The following CCDC91 variants were observed in gnomAD, a reference collection of about 807,000 sequenced individuals.
The protein encoded by CCDC91 is coiled-coil domain containing 91.
Under a neutral mutation model 63.2 loss-of-function variants are expected in CCDC91, and 48 were observed. That is an observed-to-expected ratio of 0.76 (90% CI 0.60 to 0.97). The LOEUF (loss-of-function observed/expected upper bound fraction) is 0.97, where lower values mean the gene tolerates loss of function less well. CCDC91 is among the 50% of genes least tolerant of loss of function. The pLI, the probability that CCDC91 is intolerant of heterozygous loss-of-function variation, is 0.00. For synonymous variants in CCDC91, 167 were observed against 165.8 expected (o/e 1.01, Z -0.06); for missense variants, 500 against 494.6 (o/e 1.01, Z -0.10).
chr12:28,447,158 A>G (rs1949542730), intron 8 of CCDC91, among the ~76,000 whole-genome samples: 1 of 152,170 alleles, frequency 6.6e-6, no homozygotes, highest in South Asian at 2.1e-4. Flanking sequence ...TTTCACAAAG[A>G]TGCATGCATA....
At chr12:28,276,129 G>A in intron 3 of CCDC91, among the ~76,000 whole-genome samples, 1 of 152,008 alleles carries the variant, frequency 6.6e-6, no homozygotes, top group South Asian at 2.1e-4. Flanking sequence ...ACCTATGTAA[G>A]TAATTTATGA....
intron 8 of CCDC91, among the ~76,000 whole-genome samples, chr12:28,419,038 C>G (rs1947847478): frequency 6.6e-6 from 1 of 152,058 alleles, no homozygotes; most frequent in South Asian, 2.1e-4. Context: ...CATTCATTCA[C>G]TCTTTTTTTG....
At chr12:28,325,615 G>C (rs996816413) in intron 6 of CCDC91, among the ~76,000 whole-genome samples, 1 of 151,912 alleles carries the variant, frequency 6.6e-6, no homozygotes, top group African/African-American at 2.4e-5. Context: ...AAGTGATCAG[G>C]ATTTCATTTA....
Position 28,383,538 on chromosome 12 carries a change from G to A in CCDC91, c.655-7766G>A, listed in dbSNP as rs150215365. Among the ~76,000 whole-genome samples the A allele has an allele frequency of 2.2e-3, 341 of 152,176 alleles. 3 individuals carry two copies. The highest frequency in any genetic ancestry group is 3.2e-3 in the Non-Finnish European group (215 of 67,994). On this transcript the variant is annotated intron_variant, in intron 7 of 12. Transcript: ENST00000536442. ...ACTGTAATTTACTCTTGAGAAACAT[G>A]TACCTTCATTCTTCCCAAAGGTTGA...
intron 12 of CCDC91, among the ~76,000 whole-genome samples, chr12:28,532,515 T>C (rs1260751418): frequency 1.3e-5 from 2 of 152,012 alleles, no homozygotes; most frequent in Admixed American, 6.6e-5. Flanking sequence ...ATTACAAGGA[T>C]AAAATGGGAG....
At chr12:28,465,763 C>G (rs1950518872) in intron 11 of CCDC91, among the ~76,000 whole-genome samples, 3 of 152,286 alleles carry the variant, frequency 2.0e-5, no homozygotes, top group African/African-American at 7.2e-5. Context: ...TGCCTAGACA[C>G]AGACAAACAT....
At chr12:28,423,605 G>T (rs536887767) in intron 8 of CCDC91, among the ~76,000 whole-genome samples, 2 of 151,994 alleles carry the variant, frequency 1.3e-5, no homozygotes, top group African/African-American at 4.8e-5. Flanking sequence ...ATTTTAAAAC[G>T]CTGGAATAGT....
intron 3 of CCDC91, among the ~76,000 whole-genome samples, chr12:28,277,644 A>T (rs1592181025): frequency 6.6e-6 from 1 of 151,848 alleles, no homozygotes; most frequent in Admixed American, 6.6e-5. Context: ...CCTGTAGTCA[A>T]TTTTTTTCTA....
intron 6 of CCDC91, among the ~76,000 whole-genome samples, chr12:28,359,947 G>A (rs2138496526): frequency 6.6e-6 from 1 of 152,264 alleles, no homozygotes; most frequent in South Asian, 2.1e-4. Flanking sequence ...TTTTAGTGAT[G>A]TCCTCATTTG....
At chr12:28,234,575 T>C (rs1320250148) in intron 1 of CCDC91, among the ~76,000 whole-genome samples, 1 of 152,184 alleles carries the variant, frequency 6.6e-6, no homozygotes, top group African/African-American at 2.4e-5. Flanking sequence ...TTCTTGATAG[T>C]ATACAGTTCA....
At chr12:28,337,802 T>C (rs1942101692) in intron 6 of CCDC91, among the ~76,000 whole-genome samples, 1 of 152,164 alleles carries the variant, frequency 6.6e-6, no homozygotes, top group Non-Finnish European at 1.5e-5. Context: ...TTTGTTTTTC[T>C]TAACTCTCTA....
intron 6 of CCDC91, among the ~76,000 whole-genome samples, chr12:28,355,344 C>T (rs1943454236): frequency 6.6e-6 from 1 of 152,138 alleles, no homozygotes; most frequent in Non-Finnish European, 1.5e-5. Context: ...AGGATCTCAG[C>T]TGGGGTTTTG....
At chr12:28,472,962 T>C (rs545796091) in intron 11 of CCDC91, among the ~76,000 whole-genome samples, 8 of 152,300 alleles carry the variant, frequency 5.3e-5, no homozygotes, top group Admixed American at 4.6e-4. Context: ...TTTTAAGCTG[T>C]TGTTGCACAG....
intron 8 of CCDC91, among the ~76,000 whole-genome samples, chr12:28,399,890 C>T (rs1398420832): frequency 6.6e-6 from 1 of 152,210 alleles, no homozygotes; most frequent in African/African-American, 2.4e-5. Context: ...AGGCCTCCTC[C>T]TGGCTGCTTT....
At chr12:28,399,274 G>A (rs370482963) in intron 8 of CCDC91, among the ~76,000 whole-genome samples, 53 of 152,130 alleles carry the variant, frequency 3.5e-4, no homozygotes, top group African/African-American at 1.3e-3. Flanking sequence ...GAAATACCGA[G>A]CAAAGGGGGA....
At chr12:28,298,732 A>C (rs971053586) in intron 3 of CCDC91, among the ~76,000 whole-genome samples, 4 of 137,596 alleles carry the variant, frequency 2.9e-5, no homozygotes, top group African/African-American at 9.9e-5. Flanking sequence ...TTTTGTAAAA[A>C]AAAAACAACA....
intron 1 of CCDC91, among the ~76,000 whole-genome samples, chr12:28,201,244 A>C (rs878909101): frequency 7.0e-6 from 1 of 142,022 alleles, no homozygotes; most frequent in Non-Finnish European, 1.6e-5. Flanking sequence ...GGGCGGCTGC[A>C]GGGCGGAGGG....
chr12:28,352,314 C>T (rs1036479178), intron 6 of CCDC91, among the ~76,000 whole-genome samples: 2 of 152,126 alleles, frequency 1.3e-5, no homozygotes, highest in African/African-American at 2.4e-5. Context: ...ATGAAGTTTG[C>T]TGCATCTATT....
At chr12:28,402,427 C>T (rs1009695119) in intron 8 of CCDC91, among the ~76,000 whole-genome samples, 1 of 151,514 alleles carries the variant, frequency 6.6e-6, no homozygotes, top group Non-Finnish European at 1.5e-5. Context: ...TCATCTTCCA[C>T]TTGTTCACTG....
Sources: allele counts gnomAD v4.1 joint callset (sites outside exome capture counted in the v4.1 genomes callset), GRCh38; gene constraint gnomAD v4.1.1; transcripts MANE v1.5; gene names NCBI Gene and HGNC (gene_info 2026-07-23, HGNC 2026-07-21).